B4GALT5: variants seen among roughly 807,000 people sequenced by gnomAD.
B4GALT5 encodes the protein beta-1,4-galactosyltransferase 5.
In B4GALT5, 11 loss-of-function variants were observed where a neutral mutation model predicts 45.0. The observed-to-expected ratio is 0.24, with a 90% CI of 0.15 to 0.40. The LOEUF (loss-of-function observed/expected upper bound fraction) is 0.40. Among genes scored for constraint, B4GALT5 ranks in the 10% least tolerant of loss-of-function variants. B4GALT5 has a pLI of 1.00. For missense variants in B4GALT5, 337 were observed against 500.2 expected (o/e 0.67, Z 3.11); for synonymous variants, 185 against 182.9 (o/e 1.01, Z -0.09).
intron 1 of B4GALT5, among the ~76,000 whole-genome samples, chr20:49,676,393 G>A (rs942515105): frequency 1.3e-5 from 2 of 152,118 alleles, no homozygotes; most frequent in Non-Finnish European, 2.9e-5. Context: ...AGAAAATGAT[G>A]CTCACAGCAG....
At chr20:49,689,309 C>T (rs1039699956) in intron 1 of B4GALT5, among the ~76,000 whole-genome samples, 3 of 152,062 alleles carry the variant, frequency 2.0e-5, no homozygotes, top group African/African-American at 7.2e-5. Flanking sequence ...GGATGAAGAA[C>T]CTGATAATTC....
chr20:49,679,543 G>A (rs2085755610), intron 1 of B4GALT5, among the ~76,000 whole-genome samples: 1 of 151,756 alleles, frequency 6.6e-6, no homozygotes, highest in Admixed American at 6.6e-5. Flanking sequence ...AGGCGTGGTG[G>A]CATGCACCTG....
In B4GALT5 at chr20:49,673,726, C is replaced by T. The variant is rs1452013059; in HGVS notation, c.116-17024G>A. 2.0e-5 allele frequency among the ~76,000 whole-genome samples: 3 copies of T among 152,154 alleles called. 1 individual carries two copies. The East Asian group carries it at 5.8e-4, about 29-fold the overall frequency. On this transcript the variant is annotated intron_variant, in intron 1 of 8. Coordinates refer to ENST00000371711, the MANE Select transcript of B4GALT5 (RefSeq NM_004776.4). ...ATGCAATAATAGTACTTTGATTAAA[C>T]AGGAGAATGTCATTTTTTAAAGAGA...
chr20:49,649,111 C>T (rs895721600), intron 2 of B4GALT5, among the ~76,000 whole-genome samples: 5 of 152,128 alleles, frequency 3.3e-5, no homozygotes, highest in Non-Finnish European at 7.4e-5. Context: ...GCCTACTCTG[C>T]GCTGCCTACT....
At chr20:49,693,637 T>C (rs1402092608) in intron 1 of B4GALT5, among the ~76,000 whole-genome samples, 1 of 152,246 alleles carries the variant, frequency 6.6e-6, no homozygotes, top group Non-Finnish European at 1.5e-5. Flanking sequence ...ACGTCTTCAC[T>C]ATTCATGGTT....
chr20:49,675,956 C>A (rs1435157838), intron 1 of B4GALT5, among the ~76,000 whole-genome samples: 1 of 152,118 alleles, frequency 6.6e-6, no homozygotes, highest in African/African-American at 2.4e-5. Context: ...CTAAAATATA[C>A]CTAATTGTTG....
intron 1 of B4GALT5, among the ~76,000 whole-genome samples, chr20:49,665,959 G>C (rs1047970172): frequency 3.9e-5 from 6 of 151,984 alleles, no homozygotes; most frequent in Non-Finnish European, 2.9e-5. Flanking sequence ...AAAATGGGGG[G>C]AGCAAGAGCG....
chr20:49,713,083 G>A (rs1022655474), intron 1 of B4GALT5, among the ~76,000 whole-genome samples: 4 of 151,676 alleles, frequency 2.6e-5, no homozygotes, highest in Admixed American at 2.0e-4. Context: ...GAGTGGGGGA[G>A]GATGGATGGG....
At chr20:49,694,637 GAAGGGA>G (rs1191552800) in intron 1 of B4GALT5, among the ~76,000 whole-genome samples, 13 of 116,840 alleles carry the variant, frequency 1.1e-4, no homozygotes, top group African/African-American at 4.1e-4. Context: ...GCCCTGCTGA[GAAGGGA>G]AAGGGAAAGG....
At chr20:49,695,690 C>T (rs187467381) in intron 1 of B4GALT5, among the ~76,000 whole-genome samples, 199 of 152,280 alleles carry the variant, frequency 1.3e-3, no homozygotes, top group Non-Finnish European at 2.2e-3. Flanking sequence ...TGTGAGCCAC[C>T]GGGCCCGGCC....
chr20:49,665,327 T>C (rs1365952386), intron 1 of B4GALT5, among the ~76,000 whole-genome samples: 1 of 148,270 alleles, frequency 6.7e-6, no homozygotes, highest in African/African-American at 2.5e-5. Flanking sequence ...GGTAGAAGAA[T>C]CCTTCGAGCT....
chr20:49,661,524 C>T (rs1008866601), intron 1 of B4GALT5, among the ~76,000 whole-genome samples: 1 of 152,110 alleles, frequency 6.6e-6, no homozygotes, highest in South Asian at 2.1e-4. Flanking sequence ...CGTGAGCCAC[C>T]GCACCCAGCT....
At position 49,643,733 on chromosome 20, in the gene B4GALT5, G is replaced by A. The variant is rs767320548; in HGVS notation, c.365-83C>T. ...CCTGGGGTTTTAGTCTCTGGAGAGC[G>A]CAATGCTTTTTCAGCTGAATTTGTT... On this transcript the variant is annotated intron_variant, in intron 3 of 8. Transcript: ENST00000371711. 35 of 1,442,686 alleles carry A rather than the reference G, an allele frequency of 2.4e-5. No homozygotes were observed. In the Admixed American group the frequency reaches 6.1e-4, roughly 25 times the overall value. 89.4% of individuals were successfully genotyped at this position (1,442,686 alleles called of 1,614,324 possible). A position where few individuals can be genotyped will look rare whatever the true frequency, so the allele number is the denominator to read the frequency against.
At chr20:49,681,888 G>C (rs1209193405) in intron 1 of B4GALT5, among the ~76,000 whole-genome samples, 1 of 152,172 alleles carries the variant, frequency 6.6e-6, no homozygotes, top group African/African-American at 2.4e-5. Context: ...TTGAGCTCAA[G>C]AGTTTAAGAC....
intron 7 of B4GALT5, among the ~76,000 whole-genome samples, chr20:49,637,979 T>C (rs2085561045): frequency 6.6e-6 from 1 of 151,464 alleles, no homozygotes; most frequent in Non-Finnish European, 1.5e-5. Flanking sequence ...GGGAATAAAA[T>C]AGAATCAAAA....
chr20:49,707,222 G>A lies in B4GALT5; in HGVS notation c.115+6354C>T, dbSNP rs780833778. Among the ~76,000 whole-genome samples the A allele has an allele frequency of 5.9e-5, 9 of 152,096 alleles. No individual in the cohort carries two copies. The East Asian group carries it at 1.7e-3, about 29-fold the overall frequency. Reference sequence around the variant, plus strand: ...CAATATAGCAAAAACTCCACAAAGAGAACATAAAACATCACCAAAGTCCTG... The same window carrying A: ...CAATATAGCAAAAACTCCACAAAGAAAACATAAAACATCACCAAAGTCCTG... On this transcript the variant is annotated intron_variant, in intron 1 of 8. Transcript: ENST00000371711.
intron 1 of B4GALT5, among the ~76,000 whole-genome samples, chr20:49,675,979 T>G (rs1166715059): frequency 6.6e-6 from 1 of 152,134 alleles, no homozygotes; most frequent in Non-Finnish European, 1.5e-5. Context: ...TTCCAACATG[T>G]CTGTAGGCCC....
intron 1 of B4GALT5, among the ~76,000 whole-genome samples, chr20:49,658,866 A>C (rs1210391788): frequency 6.6e-6 from 1 of 152,242 alleles, no homozygotes; most frequent in Non-Finnish European, 1.5e-5. Context: ...AACTCTGGCC[A>C]CATAATAAAT....
At chr20:49,677,073 G>C (rs748440867) in intron 1 of B4GALT5, among the ~76,000 whole-genome samples, 1 of 151,892 alleles carries the variant, frequency 6.6e-6, no homozygotes, top group Non-Finnish European at 1.5e-5. Context: ...TGTTCTAGGG[G>C]GTATTTCTGC....
Sources: allele counts gnomAD v4.1 joint callset (sites outside exome capture counted in the v4.1 genomes callset), GRCh38; gene constraint gnomAD v4.1.1; transcripts MANE v1.5; gene names NCBI Gene and HGNC (gene_info 2026-07-23, HGNC 2026-07-21).